CACNA1C: variants seen among roughly 807,000 people sequenced by gnomAD.
The protein encoded by CACNA1C is calcium voltage-gated channel subunit alpha1 C.
In CACNA1C, 30 loss-of-function variants were observed where a neutral mutation model predicts 229.0. That is an observed-to-expected ratio of 0.13 (90% confidence interval 0.10 to 0.18). The LOEUF (loss-of-function observed/expected upper bound fraction) is 0.18, where lower values mean the gene tolerates loss of function less well. Among genes scored for constraint, CACNA1C ranks in the 10% least tolerant of loss-of-function variants. The pLI is 1.00. For synonymous variants in CACNA1C, 1,114 were observed against 1,132.5 expected, an observed-to-expected ratio of 0.98 and a Z score of 0.33; for missense variants, 1,658 against 2,845.0, an observed-to-expected ratio of 0.58 and a Z score of 9.49.
intron 3 of CACNA1C, among the ~76,000 whole-genome samples, chr12:2,263,760 G>C (rs1440188483): frequency 2.6e-5 from 4 of 152,064 alleles, no homozygotes; most frequent in African/African-American, 9.7e-5. Context: ...TGAATGGAAG[G>C]CTGGAGAGTC....
chr12:2,483,830 C>T (rs925084693), intron 5 of CACNA1C, among the ~76,000 whole-genome samples: 1 of 152,166 alleles, frequency 6.6e-6, no homozygotes, highest in African/African-American at 2.4e-5. Context: ...CTCTCTCCAG[C>T]CTGTTCAGTG....
At chr12:2,225,767 G>C (rs7296039) in intron 3 of CACNA1C, among the ~76,000 whole-genome samples, 15,696 of 152,132 alleles carry the variant, frequency 0.1, 1,304 homozygotes, top group East Asian at 0.3. Context: ...CATTCCTCTT[G>C]TGAATATTGT....
intron 3 of CACNA1C, among the ~76,000 whole-genome samples, chr12:2,163,822 G>A (rs2096056772): frequency 1.3e-5 from 2 of 152,174 alleles, no homozygotes; most frequent in Non-Finnish European, 2.9e-5. Context: ...ACAAAGCAAG[G>A]GCTATTTGTG....
chr12:2,510,492 G>A (rs992917699), intron 8 of CACNA1C, among the ~76,000 whole-genome samples: 2 of 152,130 alleles, frequency 1.3e-5, no homozygotes, highest in African/African-American at 4.8e-5. Flanking sequence ...AGCATACCTC[G>A]TGTTCTGTTT....
At chr12:2,278,071 G>A (rs923859948) in intron 3 of CACNA1C, among the ~76,000 whole-genome samples, 6 of 152,238 alleles carry the variant, frequency 3.9e-5, no homozygotes, top group Non-Finnish European at 5.9e-5. Flanking sequence ...CTGCACTGGG[G>A]ACAGAAGCCA....
rs534032891 is a variant in CACNA1C, at chr12:2,327,628, C to T, written c.478-121348C>T. On this transcript the variant is annotated intron_variant, in intron 3 of 46. Transcript: ENST00000399655. ...TGTTCGTGTGGTGTGAGCAGGAACT[C>T]GGAATACGTGAACCTGATTGGCTAA... Among the ~76,000 whole-genome samples, 48 of 152,248 alleles carry T rather than the reference C, an allele frequency of 3.2e-4. 1 individual carries two copies. Among genetic ancestry groups the T allele is most frequent in the African/African-American group, 1.1e-3 (47 of 41,544 alleles).
At position 2,654,048 on chromosome 12, in the gene CACNA1C, A is replaced by C; in HGVS notation, c.4140+148A>C. 1.5e-6 allele frequency: 1 copy of C among 676,152 alleles called. No individual in the cohort carries two copies. 41.9% of individuals were successfully genotyped at this position (676,152 alleles called of 1,614,324 possible). A position where few individuals can be genotyped will look rare whatever the true frequency, so the allele number is the denominator to read the frequency against. ...CTCCTCTTCCATTTTCTGAGGCCCA[A>C]AAAGCCACAGGAATTGGAACTTTCC... On this transcript the variant is annotated intron_variant, in intron 33 of 46. Transcript: ENST00000399655. The surrounding 1 kb of genome is among the most constrained non-coding windows in gnomAD (Gnocchi z 4.4).
In CACNA1C at chr12:2,697,832, T is replaced by A. The variant is rs2097853200; in HGVS notation, c.*6633T>A. On this transcript the variant is annotated 3_prime_UTR_variant, in exon 47 of 47. Coordinates refer to ENST00000399655, the MANE Select transcript of CACNA1C (RefSeq NM_000719.7). ...GGAGAGCTTCAGGGTCATCTCTGTGTGAGACACTATTGTATATTCCTGTAA... is the reference window on the plus strand; with the variant it reads ...GGAGAGCTTCAGGGTCATCTCTGTGAGAGACACTATTGTATATTCCTGTAA... The A allele has an allele frequency of 6.6e-6, 1 of 152,650 alleles. No homozygotes were observed. The highest frequency in any genetic ancestry group is 1.5e-5 in the Non-Finnish European group (1 of 68,044). 9.5% of individuals were successfully genotyped at this position (152,650 alleles called of 1,614,324 possible).
At chr12:2,681,901 G>A in intron 42 of CACNA1C, 1 of 1,036,946 alleles carries the variant, frequency 9.6e-7, no homozygotes, top group Non-Finnish European at 1.5e-6. Flanking sequence ...ACAGGAAAAG[G>A]AAGAGGCCTT....
chr12:2,637,734 C>T (rs979106472), intron 30 of CACNA1C, among the ~76,000 whole-genome samples: 5 of 152,254 alleles, frequency 3.3e-5, no homozygotes, highest in East Asian at 1.9e-4. Flanking sequence ...GGCCCTGCTC[C>T]GGGCCTTCCC....
intron 1 of CACNA1C, among the ~76,000 whole-genome samples, chr12:1,975,120 C>T (rs1289106047): frequency 1.3e-5 from 2 of 152,078 alleles, no homozygotes; most frequent in Non-Finnish European, 2.9e-5. Context: ...AAAGAAAAGT[C>T]AGAGTTTCTT....
At chr12:2,094,826 G>A (rs2073118528) in intron 1 of CACNA1C, among the ~76,000 whole-genome samples, 1 of 152,144 alleles carries the variant, frequency 6.6e-6, no homozygotes, top group Non-Finnish European at 1.5e-5. Flanking sequence ...GGCCATGCTG[G>A]GGTGCCTACA....
intron 3 of CACNA1C, among the ~76,000 whole-genome samples, chr12:2,305,394 T>A (rs551428523): frequency 6.6e-6 from 1 of 152,374 alleles, no homozygotes; most frequent in South Asian, 2.1e-4. Flanking sequence ...GCTCCCAGCC[T>A]GGTGCTCCTT....
intron 1 of CACNA1C, among the ~76,000 whole-genome samples, chr12:2,084,675 T>G (rs1204336914): frequency 1.3e-5 from 2 of 152,200 alleles, no homozygotes; most frequent in African/African-American, 4.8e-5. Context: ...GCTATGTCCC[T>G]GATTCAGAGC....
intron 13 of CACNA1C, among the ~76,000 whole-genome samples, chr12:2,572,598 T>G (rs1292898055): frequency 1.4e-4 from 15 of 104,226 alleles, no homozygotes; most frequent in Non-Finnish European, 2.7e-4. Context: ...CCTTCTCCTC[T>G]CCTCCTCCTT....
chr12:2,041,316 G>A (rs1246002609), intron 1 of CACNA1C, among the ~76,000 whole-genome samples: 2 of 116,210 alleles, frequency 1.7e-5, no homozygotes, highest in Non-Finnish European at 3.3e-5. Flanking sequence ...TTGCTGTTTC[G>A]CCCAGGCCAG....
intron 3 of CACNA1C, among the ~76,000 whole-genome samples, chr12:2,426,343 G>A (rs1327752969): frequency 6.6e-6 from 1 of 152,198 alleles, no homozygotes; most frequent in Non-Finnish European, 1.5e-5. Flanking sequence ...ATGCCACAAG[G>A]TGAGTAGTAC....
chr12:2,312,055 T>C (rs2095464161), intron 3 of CACNA1C, among the ~76,000 whole-genome samples: 1 of 152,194 alleles, frequency 6.6e-6, no homozygotes, highest in South Asian at 2.1e-4. Flanking sequence ...GGTGAAGTTC[T>C]GGCTTCCTGG....
At chr12:2,476,752 A>G (rs935083012) in intron 5 of CACNA1C, among the ~76,000 whole-genome samples, 1 of 152,244 alleles carries the variant, frequency 6.6e-6, no homozygotes, top group African/African-American at 2.4e-5. Flanking sequence ...TTGCTAAGAC[A>G]AGAACCCTCC....
Sources: allele counts gnomAD v4.1 joint callset (sites outside exome capture counted in the v4.1 genomes callset), GRCh38; gene constraint gnomAD v4.1.1; non-coding constraint Gnocchi (gnomAD v3.1); transcripts MANE v1.5; gene names NCBI Gene and HGNC (gene_info 2026-07-23, HGNC 2026-07-21).